DCAF6: variants seen among roughly 807,000 people sequenced by gnomAD.
DCAF6 encodes the protein DDB1 and CUL4 associated factor 6, also known as DDB1- and CUL4-associated factor 6.
In DCAF6, 54 loss-of-function variants were observed where a neutral mutation model predicts 125.1. That is an observed-to-expected ratio of 0.43 (90% CI 0.35 to 0.54). The LOEUF (loss-of-function observed/expected upper bound fraction) is 0.54. Ranked by LOEUF, DCAF6 falls within the 20% of genes least tolerant of loss-of-function variation. The pLI is 0.01. For synonymous variants in DCAF6, 371 were observed against 390.4 expected, an observed-to-expected ratio of 0.95 and a Z score of 0.58; for missense variants, 934 against 1,161.7, an observed-to-expected ratio of 0.80 and a Z score of 2.85.
At chr1:168,002,647 C>T in intron 8 of DCAF6, 72 bp downstream of exon 8, 4 of 1,164,662 alleles carry the variant, frequency 3.4e-6, no homozygotes, top group Non-Finnish European at 5.0e-6. Flanking sequence ...CCAGTTTCTT[C>T]ACTATTATAA....
chr1:167,950,712 T>G (rs1673793816), intron 1 of DCAF6, among the ~76,000 whole-genome samples: 1 of 152,226 alleles, frequency 6.6e-6, no homozygotes, highest in South Asian at 2.1e-4. Flanking sequence ...ATTACTTAAT[T>G]ATTGTTCTTT....
At chr1:168,016,488 G>A (rs562531224) in intron 11 of DCAF6, among the ~76,000 whole-genome samples, 6 of 151,914 alleles carry the variant, frequency 3.9e-5, no homozygotes, top group South Asian at 4.2e-4. Flanking sequence ...TCCTCTATAC[G>A]TAATCAACTT....
intron 4 of DCAF6, among the ~76,000 whole-genome samples, chr1:167,983,480 A>G (rs754785790): frequency 3.4e-4 from 52 of 152,256 alleles, no homozygotes; most frequent in Middle Eastern, 3.4e-3. Flanking sequence ...CCTTGAACCA[A>G]TAAGCCTTCC....
the DCAF6 span, among the ~76,000 whole-genome samples, chr1:167,888,854 C>A: frequency 2.6e-5 from 3 of 115,864 alleles, no homozygotes; most frequent in Non-Finnish European, 5.0e-5. Context: ...CCAGCCTGGG[C>A]GAAAGAGGGA....
upstream of DCAF6, chr1:167,935,857 G>A (rs1466181468): frequency 6.5e-7 from 1 of 1,543,064 alleles, no homozygotes. Flanking sequence ...CCGAGGGATC[G>A]TTGGCAGCCG....
At chr1:167,918,479 TAAACAGAA>T in the DCAF6 span, 1 of 588,310 alleles carries the variant, frequency 1.7e-6, no homozygotes, top group Non-Finnish European at 2.8e-6. Context: ...TATACAGTTG[TAAACAGAA>T]TCTTCCCGGA....
chr1:167,917,506 G>A, the DCAF6 span: 2 of 151,954 alleles, frequency 1.3e-5, 1 homozygote, highest in South Asian at 4.1e-4. Context: ...GCTGAGGCAG[G>A]AGGATCACTT....
chr1:168,025,552 T>G (rs1686230255), intron 12 of DCAF6, among the ~76,000 whole-genome samples: 1 of 152,180 alleles, frequency 6.6e-6, no homozygotes, highest in Non-Finnish European at 1.5e-5. Flanking sequence ...TCTAATTAAT[T>G]AAATCCTGAG....
chr1:168,037,404 AC>A (rs1687979014), intron 12 of DCAF6, among the ~76,000 whole-genome samples: 2 of 152,192 alleles, frequency 1.3e-5, no homozygotes, highest in Admixed American at 6.5e-5. Flanking sequence ...AAGATATCTC[AC>A]AGAAGAGTTT....
rs748722296 is a variant in DCAF6, at chr1:167,966,654, C to G, written c.185C>G (p.Thr62Ser). The G allele has an allele frequency of 6.2e-6, 10 of 1,602,152 alleles. No homozygotes were observed. The highest frequency in any genetic ancestry group is 1.7e-4 in the Middle Eastern group (1 of 6,036). ...GTTAATACAATCTGTTGGAATGACA[C>G]TGGAGAATATATTTTATCTGGCTCA... ...GCVNTICWND[T>S]GEYILSGSDD... Residue 62 changes from threonine to serine, a missense_variant, in exon 3 of 22, where the codon ACT becomes AGT. By Grantham distance (58) the Thr-to-Ser change is moderately conservative. Transcript: ENST00000367840.
intron 17 of DCAF6, among the ~76,000 whole-genome samples, chr1:168,058,868 T>A (rs142767917): frequency 4.6e-5 from 7 of 152,232 alleles, no homozygotes; most frequent in Non-Finnish European, 7.4e-5. Flanking sequence ...CTGCACCCGG[T>A]CCTGATCTGG....
the DCAF6 span, among the ~76,000 whole-genome samples, chr1:167,914,685 A>G: frequency 1.3e-5 from 2 of 152,210 alleles, no homozygotes; most frequent in African/African-American, 4.8e-5. Context: ...GTATTTTAAG[A>G]GGCTGGTGTG....
At chr1:167,874,694 AC>A in the DCAF6 span, among the ~76,000 whole-genome samples, 1 of 152,254 alleles carries the variant, frequency 6.6e-6, no homozygotes, top group Non-Finnish European at 1.5e-5. Flanking sequence ...ATTCATAAGA[AC>A]CAAAAACTGG....
intron 4 of DCAF6, among the ~76,000 whole-genome samples, chr1:167,982,069 A>G (rs774769794): frequency 4.6e-5 from 7 of 151,886 alleles, no homozygotes; most frequent in Non-Finnish European, 7.4e-5. Context: ...AGCCATTCTC[A>G]CTCATATGAG....
chr1:167,956,131 T>C (rs923863679), intron 2 of DCAF6, among the ~76,000 whole-genome samples: 2 of 152,184 alleles, frequency 1.3e-5, no homozygotes, highest in Admixed American at 6.5e-5. Flanking sequence ...TGTTGTCAGG[T>C]TGAGGATGTT....
rs566958080 is a variant in DCAF6, at chr1:168,016,266, ATCTT to A, written c.1549+319_1549+322del. Among the ~76,000 whole-genome samples the A allele has an allele frequency of 8.5e-5, 13 of 152,320 alleles. No homozygotes were observed. In the East Asian group the frequency reaches 2.5e-3, roughly 29 times the overall value. On this transcript the variant is annotated intron_variant, in intron 11 of 21. Coordinates refer to ENST00000367840, the MANE Select transcript of DCAF6 (RefSeq NM_001198956.2). ...ATTAGTGAATTTAGAGCCTGCATTGATCTTTCTATTGAAAGTTTGCATATGCTGA... is the reference window on the plus strand; with the variant it reads ...ATTAGTGAATTTAGAGCCTGCATTGATCTATTGAAAGTTTGCATATGCTGA...
the DCAF6 span, among the ~76,000 whole-genome samples, chr1:167,925,475 A>G: frequency 1.0e-5 from 1 of 98,502 alleles, no homozygotes; most frequent in African/African-American, 5.5e-5. Flanking sequence ...ATATATATAT[A>G]CATATACATA....
intron 17 of DCAF6, among the ~76,000 whole-genome samples, chr1:168,061,596 T>C (rs145351069): frequency 6.6e-6 from 1 of 152,296 alleles, no homozygotes. Flanking sequence ...TTATTTAACC[T>C]ATTCTTTCTA....
intron 4 of DCAF6, among the ~76,000 whole-genome samples, chr1:167,976,356 C>A (rs1407054519): frequency 6.6e-6 from 1 of 152,110 alleles, no homozygotes; most frequent in African/African-American, 2.4e-5. Flanking sequence ...GTAATACCAG[C>A]TACTTGGGAG....
Sources: gnomAD v4.1 joint callset for allele counts (sites outside exome capture counted in the v4.1 genomes callset) on GRCh38, gnomAD v4.1.1 for gene constraint, MANE v1.5 for transcripts, NCBI Gene and HGNC (gene_info 2026-07-23, HGNC 2026-07-21) for gene names.